ROBO1: variants seen among roughly 807,000 people sequenced by gnomAD.
ROBO1 encodes roundabout homolog 1.
A neutral mutation model predicts 195.9 loss-of-function variants in ROBO1; 149 were observed. That is an observed-to-expected ratio of 0.76 (90% CI 0.67 to 0.87). The LOEUF (loss-of-function observed/expected upper bound fraction) is 0.87, where lower values mean the gene tolerates loss of function less well. Ranked by LOEUF, ROBO1 falls within the 40% of genes least tolerant of loss-of-function variation. The probability of loss-of-function intolerance (pLI) is 0.00; values close to 1 mark genes in which losing one functional copy is unlikely to be tolerated. For synonymous variants in ROBO1, 816 were observed against 733.2 expected (o/e 1.11, Z -1.82); for missense variants, 1,933 against 2,068.3 (o/e 0.93, Z 1.27).
At chr3:79,567,828 CTTA>C (rs1943140290) in intron 2 of ROBO1, among the ~76,000 whole-genome samples, 1 of 151,942 alleles carries the variant, frequency 6.6e-6, no homozygotes, top group Non-Finnish European at 1.5e-5. Context: ...TTTGTGAGAA[CTTA>C]TTATAAGTTC....
chr3:79,393,655 A>C (rs1250602079), intron 2 of ROBO1, among the ~76,000 whole-genome samples: 10 of 152,204 alleles, frequency 6.6e-5, no homozygotes, highest in Admixed American at 6.5e-4. Context: ...ATTCTTCACA[A>C]GTGGCAGAAA....
At chr3:79,024,870 A>G (rs1277888458) in intron 3 of ROBO1, among the ~76,000 whole-genome samples, 1 of 152,086 alleles carries the variant, frequency 6.6e-6, no homozygotes, top group South Asian at 2.1e-4. Context: ...ACTGAGAAAG[A>G]CCATATGTTT....
intron 1 of ROBO1, among the ~76,000 whole-genome samples, chr3:79,746,892 C>G (rs946131434): frequency 6.6e-6 from 1 of 152,032 alleles, no homozygotes; most frequent in Admixed American, 6.6e-5. Context: ...TATTCAATTT[C>G]TAATTTAGCT....
At chr3:79,254,486 A>G (rs2082791848) in intron 2 of ROBO1, among the ~76,000 whole-genome samples, 1 of 152,070 alleles carries the variant, frequency 6.6e-6, no homozygotes, top group Non-Finnish European at 1.5e-5. Flanking sequence ...TCACACACTC[A>G]CACACATACA....
chr3:79,118,075 G>T (rs919246475), intron 3 of ROBO1, among the ~76,000 whole-genome samples: 1 of 152,178 alleles, frequency 6.6e-6, no homozygotes, highest in Non-Finnish European at 1.5e-5. Context: ...CTCACTGGAA[G>T]GTGAGCATCA....
At chr3:79,602,260 A>G (rs544019672) in intron 1 of ROBO1, among the ~76,000 whole-genome samples, 1 of 152,144 alleles carries the variant, frequency 6.6e-6, no homozygotes, top group South Asian at 2.1e-4. Context: ...ATAACAGAAG[A>G]GAAGGTCAAA....
chr3:78,940,410 G>A (rs988545191), intron 3 of ROBO1, among the ~76,000 whole-genome samples: 2 of 152,132 alleles, frequency 1.3e-5, no homozygotes, highest in Admixed American at 6.5e-5. Flanking sequence ...TAAACTTACT[G>A]CTCTTAACGT....
chr3:78,878,100 T>C (rs751412825), intron 4 of ROBO1, among the ~76,000 whole-genome samples: 12 of 152,088 alleles, frequency 7.9e-5, no homozygotes, highest in Non-Finnish European at 1.3e-4. Context: ...AAAATGATAG[T>C]ACTTTAGGAA....
At chr3:79,244,822 T>C (rs913146131) in intron 2 of ROBO1, among the ~76,000 whole-genome samples, 5 of 152,138 alleles carry the variant, frequency 3.3e-5, no homozygotes, top group African/African-American at 9.7e-5. Flanking sequence ...GTGTTCAAGA[T>C]AATGCATTAT....
At chr3:78,669,171 A>G (rs1481701019) in intron 11 of ROBO1, among the ~76,000 whole-genome samples, 1 of 152,202 alleles carries the variant, frequency 6.6e-6, no homozygotes, top group African/African-American at 2.4e-5. Context: ...GAAGGCAAAC[A>G]TAGGTTACAT....
At chr3:79,765,082 A>G (rs1704912288) in intron 1 of ROBO1, among the ~76,000 whole-genome samples, 2 of 152,222 alleles carry the variant, frequency 1.3e-5, no homozygotes, top group Non-Finnish European at 1.5e-5. Flanking sequence ...ATAGGAAAAT[A>G]CAACAAACAT....
At chr3:79,211,973 A>C (rs1010727037) in intron 2 of ROBO1, among the ~76,000 whole-genome samples, 1 of 152,220 alleles carries the variant, frequency 6.6e-6, no homozygotes, top group African/African-American at 2.4e-5. Flanking sequence ...TCTATAGATT[A>C]TAGATTAACT....
At chr3:79,116,178 G>A (rs530678635) in intron 3 of ROBO1, among the ~76,000 whole-genome samples, 2 of 152,198 alleles carry the variant, frequency 1.3e-5, no homozygotes, top group Middle Eastern at 3.4e-3. Context: ...AAATCCATAG[G>A]TGCTTAATTT....
Position 78,617,655 on chromosome 3 carries a change from C to T in ROBO1, c.4262G>A (p.Arg1421Gln), listed in dbSNP as rs765639419. 7 of 1,611,824 alleles carry T rather than the reference C, an allele frequency of 4.3e-6. No individual in the cohort carries two copies. Residue 1421 changes from arginine to glutamine, a missense_variant, in exon 27 of 31, where the codon CGG becomes CAG. Arg to Gln is a conservative substitution (Grantham distance 43, BLOSUM62 1). Coordinates refer to ENST00000464233, the MANE Select transcript of ROBO1 (RefSeq NM_002941.4). The stretch of plus-strand genomic sequence containing the variant: ...CTCACCAGCAGCATCCTGCATTTGC[C>T]GTCGTGCTACTTTCAGACCAGCATA... ...AEYAGLKVAR[R>Q]QMQDAAGRRH...
chr3:79,662,925 C>T (rs186066382), intron 1 of ROBO1, among the ~76,000 whole-genome samples: 1 of 151,722 alleles, frequency 6.6e-6, no homozygotes, highest in East Asian at 2.0e-4. Flanking sequence ...CAAGATAAAC[C>T]AAAGAAAAAA....
intron 2 of ROBO1, among the ~76,000 whole-genome samples, chr3:79,288,141 C>T (rs1190448927): frequency 6.6e-6 from 1 of 152,096 alleles, no homozygotes; most frequent in African/African-American, 2.4e-5. Context: ...CGTTTTCAAA[C>T]TTTGCACCTG....
rs940690662 is a variant in ROBO1, at chr3:78,958,098, C to A, written c.173-19171G>T. Among the ~76,000 whole-genome samples, 11 of 152,198 alleles carry A rather than the reference C, an allele frequency of 7.2e-5. No homozygotes were observed. The Middle Eastern group carries it at 0.01, about 141-fold the overall frequency. On this transcript the variant is annotated intron_variant, in intron 3 of 30. Coordinates refer to ENST00000464233, the MANE Select transcript of ROBO1 (RefSeq NM_002941.4). Reference sequence around the variant, plus strand: ...ATGTTAGGACAATATATAATACAGTCTTTTGAAAAAATAAGAGGATTTTTC... The same window carrying A: ...ATGTTAGGACAATATATAATACAGTATTTTGAAAAAATAAGAGGATTTTTC...
At chr3:78,696,835 G>A (rs965724886) in intron 8 of ROBO1, among the ~76,000 whole-genome samples, 3 of 151,160 alleles carry the variant, frequency 2.0e-5, no homozygotes, top group Admixed American at 2.0e-4. Flanking sequence ...AAAAAGACCT[G>A]GAAACTAACA....
At chr3:79,520,325 C>T (rs1317374060) in intron 2 of ROBO1, among the ~76,000 whole-genome samples, 3 of 152,008 alleles carry the variant, frequency 2.0e-5, no homozygotes, top group Non-Finnish European at 2.9e-5. Context: ...CAAGTGAAGA[C>T]AAATGATAAG....
Sources: gnomAD v4.1 joint callset for allele counts (sites outside exome capture counted in the v4.1 genomes callset) on GRCh38, gnomAD v4.1.1 for gene constraint, MANE v1.5 for transcripts, NCBI Gene and HGNC (gene_info 2026-07-23, HGNC 2026-07-21) for gene names.